MTHFD1L: variants seen among roughly 807,000 people sequenced by gnomAD.
MTHFD1L encodes the protein monofunctional C1-tetrahydrofolate synthase, mitochondrial.
Under a neutral mutation model 119.5 loss-of-function variants are expected in MTHFD1L, and 81 were observed. The observed-to-expected ratio is 0.68, with a 90% CI of 0.57 to 0.82. The LOEUF is 0.82. Among genes scored for constraint, MTHFD1L ranks in the 40% least tolerant of loss-of-function variants. The probability of loss-of-function intolerance (pLI) is 0.00; values close to 1 mark genes in which losing one functional copy is unlikely to be tolerated. For missense variants in MTHFD1L, 1,125 were observed against 1,253.4 expected, an observed-to-expected ratio of 0.90 and a Z score of 1.55; for synonymous variants, 430 against 475.2, an observed-to-expected ratio of 0.90 and a Z score of 1.24.
chr6:150,866,582 C>T (rs1778375283), intron 1 of MTHFD1L: 2 of 1,227,302 alleles, frequency 1.6e-6, no homozygotes, highest in Non-Finnish European at 1.0e-6. Context: ...CGCGCGGCCC[C>T]TCCTGCTGGG....
chr6:150,989,474 T>C (rs1170440752), intron 20 of MTHFD1L, among the ~76,000 whole-genome samples: 1 of 152,250 alleles, frequency 6.6e-6, no homozygotes, highest in African/African-American at 2.4e-5. Context: ...CATTTTATTA[T>C]TTATGTACAG....
At chr6:151,041,884 G>A (rs1204736556) in intron 26 of MTHFD1L, 3 of 503,598 alleles carry the variant, frequency 6.0e-6, no homozygotes, top group South Asian at 4.6e-5. Context: ...AGACCCCATG[G>A]TGAGATGCTG....
chr6:150,965,392 G>A (rs529158422), intron 19 of MTHFD1L, among the ~76,000 whole-genome samples: 4 of 152,260 alleles, frequency 2.6e-5, no homozygotes, highest in East Asian at 1.9e-4. Context: ...CAGGCGCGGC[G>A]GCTCATGCCT....
intron 4 of MTHFD1L, 74 bp downstream of exon 4, chr6:150,877,900 A>G: frequency 6.4e-7 from 1 of 1,559,198 alleles, no homozygotes; most frequent in Non-Finnish European, 8.8e-7. Context: ...GGCGTCTCTT[A>G]GTGGTGGCTG....
chr6:151,072,307 A>G (rs1792037038), intron 26 of MTHFD1L, among the ~76,000 whole-genome samples: 1 of 152,102 alleles, frequency 6.6e-6, no homozygotes, highest in African/African-American at 2.4e-5. Flanking sequence ...TATTAATTTT[A>G]TTCTTGAACT....
intron 20 of MTHFD1L, among the ~76,000 whole-genome samples, chr6:151,002,190 T>C (rs1253954824): frequency 6.6e-6 from 1 of 152,202 alleles, no homozygotes. Flanking sequence ...GATTGTTTGA[T>C]GAGGAGTATG....
At position 151,050,258 on chromosome 6, in the gene MTHFD1L, G is replaced by C. The variant is rs1040627365; in HGVS notation, c.2847+13141G>C. ...GCTCCCTGCTACCTCCGCCTCCTGG[G>C]TTCAAGCGACTCTCCCACCTCAGCC... is the stretch of plus-strand genomic sequence containing the variant. On this transcript the variant is annotated intron_variant, in intron 26 of 27. Coordinates refer to ENST00000367321, the MANE Select transcript of MTHFD1L (RefSeq NM_015440.5). 2.6e-5 allele frequency among the ~76,000 whole-genome samples: 4 copies of C among 152,206 alleles called. 1 individual carries two copies. The South Asian group carries it at 6.2e-4, about 24-fold the overall frequency.
intron 7 of MTHFD1L, among the ~76,000 whole-genome samples, chr6:150,896,048 G>C (rs1335831702): frequency 1.3e-5 from 2 of 152,226 alleles, no homozygotes; most frequent in East Asian, 3.9e-4. Flanking sequence ...AACTGACTGA[G>C]GCTTAGAGAG....
chr6:151,045,744 T>G (rs1240202152), intron 26 of MTHFD1L, among the ~76,000 whole-genome samples: 3 of 152,182 alleles, frequency 2.0e-5, no homozygotes, highest in African/African-American at 7.2e-5. Flanking sequence ...TCCCTATCTC[T>G]ACATCAGAAT....
Position 150,866,116 on chromosome 6 carries a change from C to T in MTHFD1L, c.227+67C>T, listed in dbSNP as rs1010222918. 4.1e-6 allele frequency: 6 copies of T among 1,459,044 alleles called. No individual in the cohort carries two copies. In the Admixed American group the frequency reaches 9.9e-5, roughly 24 times the overall value. 90.4% of individuals were successfully genotyped at this position (1,459,044 alleles called of 1,614,324 possible). On this transcript the variant is annotated intron_variant, in intron 1 of 27. Transcript: ENST00000367321. Reference sequence around the variant, plus strand: ...GTGGCCCCGACCCAGGGGCGGAGCGCCCGGGACCGCCGTGGGGAGCGGGGC... The same window carrying T: ...GTGGCCCCGACCCAGGGGCGGAGCGTCCGGGACCGCCGTGGGGAGCGGGGC...
rs573337115 is a variant in MTHFD1L, at chr6:150,960,337, C to T, written c.1866C>T (p.Leu622=). The T allele has an allele frequency of 2.0e-5, 33 of 1,614,044 alleles. 1 individual carries two copies. The highest frequency in any genetic ancestry group is 4.0e-5 in the African/African-American group (3 of 75,016). ...IMAVLALTDS[L]ADMKARLGRM... ...CGGTGCTGGCCCTGACGGACAGCCTCGCAGACATGAAGGCACGGCTGGGAA... is the reference window on the plus strand; with the variant it reads ...CGGTGCTGGCCCTGACGGACAGCCTTGCAGACATGAAGGCACGGCTGGGAA... The change falls in exon 18 of 28, where the codon CTC becomes CTT. Residue 622 remains leucine (L), a synonymous_variant. Transcript: ENST00000367321.
chr6:151,098,680 A>T (rs1195784056), intron 27 of MTHFD1L, among the ~76,000 whole-genome samples: 2 of 152,214 alleles, frequency 1.3e-5, no homozygotes, highest in South Asian at 2.1e-4. Flanking sequence ...TCTTATTCCC[A>T]TGCCAGAATA....
chr6:150,918,659 G>A lies in MTHFD1L; in HGVS notation c.975G>A (p.Leu325=), dbSNP rs368433166. The change falls in exon 9 of 28, where the codon CTG becomes CTA. Residue 325 remains leucine, a synonymous_variant. Coordinates refer to ENST00000367321, the MANE Select transcript of MTHFD1L (RefSeq NM_015440.5). The part of the protein sequence containing the change: ...EDDVILLAAA[L]RIQNMVSSGR... ...ATGTGATTCTCCTTGCTGCAGCTCT[G>A]CGAATTCAGGTTTGTTCAACATAGC... The A allele has an allele frequency of 6.2e-6, 10 of 1,613,736 alleles. No individual in the cohort carries two copies. The African/African-American group carries it at 1.2e-4, about 19-fold the overall frequency.
intron 1 of MTHFD1L, chr6:150,866,597 G>A (rs1778380287): frequency 7.4e-6 from 9 of 1,219,862 alleles, no homozygotes; most frequent in South Asian, 4.1e-5. Flanking sequence ...GCTGGGCTGG[G>A]GTCTGTGGCT....
chr6:150,882,548 GC>G (rs1781544958), intron 4 of MTHFD1L, among the ~76,000 whole-genome samples: 1 of 152,078 alleles, frequency 6.6e-6, no homozygotes, highest in Admixed American at 6.6e-5. Flanking sequence ...ATTCAGCCAA[GC>G]CTTTTAATTT....
intron 20 of MTHFD1L, among the ~76,000 whole-genome samples, chr6:151,009,469 G>A (rs1309271664): frequency 6.6e-6 from 1 of 152,116 alleles, no homozygotes; most frequent in Non-Finnish European, 1.5e-5. Context: ...GGGAGGCAGA[G>A]GTTGCAGTGA....
intron 13 of MTHFD1L, among the ~76,000 whole-genome samples, chr6:150,941,294 TG>T (rs984175881): frequency 2.1e-4 from 32 of 152,030 alleles, no homozygotes; most frequent in Admixed American, 2.6e-4. Context: ...CAGCGGGAGT[TG>T]GGGGGGTTGA....
At chr6:150,978,229 C>T (rs1583916231) in intron 20 of MTHFD1L, among the ~76,000 whole-genome samples, 1 of 151,830 alleles carries the variant, frequency 6.6e-6, no homozygotes, top group Non-Finnish European at 1.5e-5. Flanking sequence ...GAAAATTACA[C>T]AATTCTTGGA....
intron 16 of MTHFD1L, among the ~76,000 whole-genome samples, chr6:150,950,367 T>C (rs1407944367): frequency 2.0e-5 from 3 of 152,208 alleles, no homozygotes; most frequent in Admixed American, 1.3e-4. Flanking sequence ...GTCTCGTCCC[T>C]TCAGGGAGCT....
Sources: gnomAD v4.1 joint callset for allele counts (sites outside exome capture counted in the v4.1 genomes callset) on GRCh38, gnomAD v4.1.1 for gene constraint, MANE v1.5 for transcripts, NCBI Gene and HGNC (gene_info 2026-07-23, HGNC 2026-07-21) for gene names.